Variants in CDH4 observed in about 807,000 individuals in gnomAD.
CDH4 encodes cadherin-4.
In CDH4, 33 loss-of-function variants were observed where a neutral mutation model predicts 86.0. The observed-to-expected ratio is 0.38, with a 90% CI of 0.29 to 0.51. The LOEUF is 0.51. CDH4 is among the 20% of genes least tolerant of loss of function. The pLI, the probability that CDH4 is intolerant of heterozygous loss-of-function variation, is 0.86. For missense variants in CDH4, 1,114 were observed against 1,307.4 expected (o/e 0.85, Z 2.28); for synonymous variants, 555 against 549.4 (o/e 1.01, Z -0.14).
intron 2 of CDH4, among the ~76,000 whole-genome samples, chr20:61,258,201 G>C (rs1231298833): frequency 6.6e-6 from 1 of 151,856 alleles, no homozygotes; most frequent in Non-Finnish European, 1.5e-5. Flanking sequence ...GCGGTGGCGG[G>C]AGCCTGTAGT....
chr20:61,539,809 T>C (rs2086026232), intron 2 of CDH4, among the ~76,000 whole-genome samples: 1 of 152,246 alleles, frequency 6.6e-6, no homozygotes, highest in South Asian at 2.1e-4. Context: ...CTCCATGGCT[T>C]CTGCGCATAT....
rs567764264 is a variant in CDH4 at position 61,582,045 on chromosome 20, G to A, written c.170-161518G>A. Among the ~76,000 whole-genome samples, 1 of 152,314 alleles carries A rather than the reference G, an allele frequency of 6.6e-6. No individual in the cohort carries two copies. Among genetic ancestry groups the A allele is most frequent in the African/African-American group, 2.4e-5 (1 of 41,572 alleles). On this transcript the variant is annotated intron_variant, in intron 2 of 15. Coordinates refer to ENST00000614565, the MANE Select transcript of CDH4 (RefSeq NM_001794.5). This position sits in a 1 kb window ranked among gnomAD's most constrained non-coding sequence, Gnocchi z 4.2. ...CCTCAGGGCAGCCTGTGGGAAGAGG[G>A]TGCTCCCAGCCCTCCAGCCTGGCTG...
At chr20:61,821,615 G>A (rs896167641) in intron 4 of CDH4, among the ~76,000 whole-genome samples, 10 of 152,180 alleles carry the variant, frequency 6.6e-5, no homozygotes, top group African/African-American at 9.7e-5. Context: ...TGAGGAGGAC[G>A]CAGTTAAGGA....
intron 15 of CDH4, among the ~76,000 whole-genome samples, chr20:61,935,188 G>T (rs912634440): frequency 1.3e-5 from 2 of 152,208 alleles, no homozygotes. Context: ...GATGCCCACT[G>T]CATTTTAAAG....
At chr20:61,744,290 G>A (rs1045977163) in intron 3 of CDH4, among the ~76,000 whole-genome samples, 16 of 151,852 alleles carry the variant, frequency 1.1e-4, no homozygotes, top group South Asian at 2.1e-4. Context: ...AGGAGAGGGA[G>A]AAGAGAATGA....
At chr20:61,528,254 G>A (rs993577607) in intron 2 of CDH4, among the ~76,000 whole-genome samples, 1 of 151,386 alleles carries the variant, frequency 6.6e-6, no homozygotes, top group Admixed American at 6.6e-5. Flanking sequence ...GTGTGTGCCT[G>A]TAATCCCAGC....
intron 3 of CDH4, among the ~76,000 whole-genome samples, chr20:61,744,942 G>A (rs796077218): frequency 1.3e-5 from 2 of 152,218 alleles, no homozygotes; most frequent in East Asian, 1.9e-4. Flanking sequence ...GCAACCAGGC[G>A]GCCTGTGGGA....
chr20:61,294,494 C>T (rs2084341384), intron 2 of CDH4, among the ~76,000 whole-genome samples: 1 of 152,248 alleles, frequency 6.6e-6, no homozygotes, highest in Admixed American at 6.5e-5. Flanking sequence ...CATCACCCTC[C>T]ACCCTATGCC....
intron 8 of CDH4, among the ~76,000 whole-genome samples, chr20:61,908,993 C>A (rs2054821418): frequency 6.6e-6 from 1 of 152,188 alleles, no homozygotes; most frequent in Non-Finnish European, 1.5e-5. Context: ...CCCCAGACAC[C>A]CTAACGGCCT....
At chr20:61,889,306 A>ATGGG (rs1984681006) in intron 7 of CDH4, among the ~76,000 whole-genome samples, 1 of 150,224 alleles carries the variant, frequency 6.7e-6, no homozygotes, top group African/African-American at 2.5e-5. Flanking sequence ...GGATGGATGG[A>ATGGG]TGGATGGATG....
chr20:61,659,623 G>A (rs1362575572), intron 2 of CDH4, among the ~76,000 whole-genome samples: 2 of 145,926 alleles, frequency 1.4e-5, no homozygotes, highest in Non-Finnish European at 3.0e-5. Flanking sequence ...AGGAGGGTGG[G>A]CCTCAGCCAT....
chr20:61,861,915 G>A (rs1231076710), intron 6 of CDH4, among the ~76,000 whole-genome samples: 1 of 152,180 alleles, frequency 6.6e-6, no homozygotes, highest in Admixed American at 6.5e-5. Flanking sequence ...GAAGCGCACT[G>A]TCCCGTTGAG....
At chr20:61,496,956 AT>A (rs59603072) in intron 2 of CDH4, among the ~76,000 whole-genome samples, 2,057 of 108,514 alleles carry the variant, frequency 0.019, 14 homozygotes, top group Middle Eastern at 0.029. Flanking sequence ...TTGGGGATTG[AT>A]TTTTTTTTTT....
intron 2 of CDH4, among the ~76,000 whole-genome samples, chr20:61,547,703 G>A (rs970569066): frequency 1.5e-4 from 23 of 152,356 alleles, no homozygotes; most frequent in African/African-American, 5.5e-4. Flanking sequence ...TGCCCCTGCA[G>A]ACAGCGCAGG....
chr20:61,727,009 G>C, intron 2 of CDH4, among the ~76,000 whole-genome samples: 1 of 143,346 alleles, frequency 7.0e-6, no homozygotes, highest in South Asian at 2.3e-4. Flanking sequence ...CACCATCAGA[G>C]CCATCACCAT....
At chr20:61,408,679 C>T (rs1043274644) in intron 2 of CDH4, among the ~76,000 whole-genome samples, 1 of 152,058 alleles carries the variant, frequency 6.6e-6, no homozygotes, top group African/African-American at 2.4e-5. Context: ...CCAGCTGCCA[C>T]CACCTGTGTT....
At chr20:61,735,431 T>C (rs6061776) in intron 2 of CDH4, among the ~76,000 whole-genome samples, 120,338 of 152,136 alleles carry the variant, frequency 0.79, 48,306 homozygotes, top group African/African-American at 0.93. Flanking sequence ...CTGTTTCTTA[T>C]ACCCCCCTGG....
chr20:61,872,672 C>T (rs1983859302), intron 6 of CDH4, among the ~76,000 whole-genome samples: 1 of 152,250 alleles, frequency 6.6e-6, no homozygotes, highest in Non-Finnish European at 1.5e-5. Context: ...CTCAGGCAGC[C>T]AGCAGGGCAA....
intron 2 of CDH4, among the ~76,000 whole-genome samples, chr20:61,265,854 C>A (rs2084155693): frequency 6.6e-6 from 1 of 152,228 alleles, no homozygotes; most frequent in Non-Finnish European, 1.5e-5. Context: ...TCCTGCCTGG[C>A]TCCAGGAGCT....
Sources: gnomAD v4.1 joint callset for allele counts (sites outside exome capture counted in the v4.1 genomes callset) on GRCh38, gnomAD v4.1.1 for gene constraint, Gnocchi (gnomAD v3.1) non-coding constraint, MANE v1.5 for transcripts, NCBI Gene and HGNC (gene_info 2026-07-23, HGNC 2026-07-21) for gene names.